ITPA: variants seen among roughly 807,000 people sequenced by gnomAD.
The protein encoded by ITPA is inosine triphosphate pyrophosphatase.
Under a neutral mutation model 29.6 loss-of-function variants are expected in ITPA, and 29 were observed. That is an observed-to-expected ratio of 0.98 (90% confidence interval 0.73 to 1.34). The LOEUF is 1.34. Ranked by LOEUF, ITPA falls within the 40% of genes most tolerant of loss-of-function variation. The pLI, the probability that ITPA is intolerant of heterozygous loss-of-function variation, is 0.00. For missense variants in ITPA, 241 were observed against 251.5 expected (o/e 0.96, Z 0.28); for synonymous variants, 103 against 99.3 (o/e 1.04, Z -0.22).
At chr20:3,222,504 T>C (rs967685360) in intron 7 of ITPA, among the ~76,000 whole-genome samples, 8 of 152,218 alleles carry the variant, frequency 5.3e-5, no homozygotes, top group African/African-American at 9.6e-5. Flanking sequence ...CCACCGCGCC[T>C]GGCCACATCT....
upstream of ITPA, chr20:3,204,413 C>T (rs570721460): frequency 3.9e-5 from 38 of 963,714 alleles, no homozygotes; most frequent in South Asian, 4.6e-4. Flanking sequence ...GACTAGCGCA[C>T]GGACGCGCAT....
Position 3,209,554 on chromosome 20 carries a change from GGC to G in ITPA, c.5_6del (p.Ala2GlyfsTer28). 6.2e-7 allele frequency: 1 copy of G among 1,614,024 alleles called. No homozygotes were observed. Among genetic ancestry groups the G allele is most frequent in the East Asian group, 2.2e-5 (1 of 44,882 alleles). M[A>X]ASLVGKKIVF... is the part of the protein sequence containing the mutation. The stretch of plus-strand genomic sequence containing the variant: ...CAGCTGGGTAACCGGGGATCACCAT[GGC>G]GGCCTCATTGGTGGGGAAGAAGATC... On this transcript the variant is annotated frameshift_variant, in exon 1 of 8. Transcript: ENST00000380113. LOFTEE classifies it high-confidence loss of function. This position sits in a 1 kb window ranked among gnomAD's most constrained non-coding sequence, Gnocchi z 4.6.
At chr20:3,218,051 G>T (rs1041051214) in intron 5 of ITPA, among the ~76,000 whole-genome samples, 18 of 152,078 alleles carry the variant, frequency 1.2e-4, no homozygotes, top group Admixed American at 1.1e-3. Flanking sequence ...CCGAGCAGCT[G>T]GAGCTACAGG....
chr20:3,223,094 CCT>C (rs1324918274), intron 7 of ITPA, among the ~76,000 whole-genome samples: 2 of 152,232 alleles, frequency 1.3e-5, no homozygotes, highest in Non-Finnish European at 2.9e-5. Context: ...CTCATCCCCC[CCT>C]GTCCCCAGCT....
At chr20:3,221,806 C>G in intron 6 of ITPA, 35 bp from the exon 7 acceptor site, 1 of 1,602,320 alleles carries the variant, frequency 6.2e-7, no homozygotes. Flanking sequence ...TCCTCTGGAC[C>G]CAGTTACACA....
intron 6 of ITPA, among the ~76,000 whole-genome samples, chr20:3,220,142 C>A (rs530337373): frequency 6.6e-6 from 1 of 152,050 alleles, no homozygotes; most frequent in South Asian, 2.1e-4. Context: ...CTGCTCACGA[C>A]AGCCTCCACC....
chr20:3,211,386 T>C (rs1431627182), intron 1 of ITPA, among the ~76,000 whole-genome samples: 1 of 152,044 alleles, frequency 6.6e-6, no homozygotes, highest in African/African-American at 2.4e-5. Context: ...GACTGGTCTC[T>C]AACCCCTGAC....
At chr20:3,215,878 G>C (rs528476772) in intron 5 of ITPA, among the ~76,000 whole-genome samples, 1 of 151,890 alleles carries the variant, frequency 6.6e-6, no homozygotes, top group East Asian at 1.9e-4. Context: ...TAGAGAGGGG[G>C]TTTCACCATG....
upstream of ITPA, among the ~76,000 whole-genome samples, chr20:3,206,704 G>A (rs539348302): frequency 2.0e-5 from 3 of 152,070 alleles, no homozygotes; most frequent in South Asian, 4.2e-4. Context: ...GGTGGTGGGC[G>A]CCTGTAGTCC....
intron 4 of ITPA, 144 bp downstream of exon 4, chr20:3,214,202 G>T: frequency 1.3e-6 from 1 of 750,616 alleles, no homozygotes; most frequent in Non-Finnish European, 2.3e-6. Context: ...GACGGGATAG[G>T]AGAAGCATGC....
chr20:3,205,783 G>A (rs113537977), upstream of ITPA, among the ~76,000 whole-genome samples: 18 of 152,298 alleles, frequency 1.2e-4, 1 homozygote, highest in African/African-American at 4.1e-4. Flanking sequence ...GGCCAGATGA[G>A]GTGGCTCTCC....
At chr20:3,221,973 G>T in intron 7 of ITPA, 56 bp downstream of exon 7, 1 of 1,557,788 alleles carries the variant, frequency 6.4e-7, no homozygotes. Flanking sequence ...CCATGGTTTG[G>T]GTTGGGCCAG....
downstream of ITPA, among the ~76,000 whole-genome samples, chr20:3,225,554 G>T (rs547669250): frequency 6.6e-6 from 1 of 152,128 alleles, no homozygotes; most frequent in Non-Finnish European, 1.5e-5. Context: ...GTGACACCCC[G>T]GGGAGGGCAC....
At chr20:3,213,460 T>C in intron 3 of ITPA, 77 bp downstream of exon 3, 1 of 1,548,298 alleles carries the variant, frequency 6.5e-7, no homozygotes, top group Non-Finnish European at 8.9e-7. Flanking sequence ...CTAGAAACAA[T>C]AGAGTAGACA....
At chr20:3,207,239 G>T (rs569849603), upstream of ITPA, among the ~76,000 whole-genome samples, 69 of 152,214 alleles carry the variant, frequency 4.5e-4, 1 homozygote, top group Middle Eastern at 0.01. Flanking sequence ...ACAGGTGTGT[G>T]CCCCCAAGCC....
At chr20:3,209,406 C>G, upstream of ITPA, 3 of 789,392 alleles carry the variant, frequency 3.8e-6, no homozygotes, top group Non-Finnish European at 6.6e-6. The surrounding 1 kb of genome is among the most constrained non-coding windows in gnomAD (Gnocchi z 4.6). Context: ...GCCCACTCGC[C>G]CGATACGCGC....
chr20:3,204,825 G>A, upstream of ITPA: 2 of 565,990 alleles, frequency 3.5e-6, no homozygotes, highest in Non-Finnish European at 6.3e-6. Context: ...GGAAATTATA[G>A]CAGACGGTAT....
chr20:3,218,341 A>T (rs1269138226), intron 5 of ITPA, among the ~76,000 whole-genome samples, 176 bp from the exon 6 acceptor site: 2 of 152,088 alleles, frequency 1.3e-5, no homozygotes, highest in African/African-American at 4.8e-5. Flanking sequence ...ATGCCCAGAG[A>T]CTTCCATTTC....
At chr20:3,212,525 T>C (rs551519388) in intron 1 of ITPA, among the ~76,000 whole-genome samples, 1 of 152,326 alleles carries the variant, frequency 6.6e-6, no homozygotes, top group South Asian at 2.1e-4. Flanking sequence ...TTTGCCATGT[T>C]GCTCAAGCTA....
Sources: allele counts gnomAD v4.1 joint callset (sites outside exome capture counted in the v4.1 genomes callset), GRCh38; gene constraint gnomAD v4.1.1; non-coding constraint Gnocchi (gnomAD v3.1); transcripts MANE v1.5; gene names NCBI Gene and HGNC (gene_info 2026-07-23, HGNC 2026-07-21).